DPH6: variants seen among roughly 807,000 people sequenced by gnomAD.
The protein encoded by DPH6 is diphthine--ammonia ligase.
Under a neutral mutation model 38.2 loss-of-function variants are expected in DPH6, and 33 were observed. The observed-to-expected ratio is 0.86, with a 90% CI of 0.65 to 1.15. DPH6 has a LOEUF of 1.15. Ranked by LOEUF, DPH6 falls within the 50% of genes most tolerant of loss-of-function variation. The probability of loss-of-function intolerance (pLI) is 0.00; values close to 1 mark genes in which losing one functional copy is unlikely to be tolerated. For missense variants in DPH6, 325 were observed against 320.0 expected (o/e 1.02, Z -0.12); for synonymous variants, 108 against 103.0 (o/e 1.05, Z -0.30).
At chr15:35,347,458 T>TC (rs1012904765) in intron 3 of DPH6, among the ~76,000 whole-genome samples, 2 of 129,544 alleles carry the variant, frequency 1.5e-5, no homozygotes, top group African/African-American at 6.2e-5. Flanking sequence ...AGCCTCCTCC[T>TC]TTTTTTTTTT....
At chr15:35,223,469 G>A (rs762004587) in intron 3 of DPH6, among the ~76,000 whole-genome samples, 22 of 152,088 alleles carry the variant, frequency 1.4e-4, no homozygotes, top group Admixed American at 7.9e-4. Flanking sequence ...GGTGGATCAC[G>A]AGGTCAGGAG....
At chr15:35,217,172 C>T (rs990400722), downstream of DPH6, among the ~76,000 whole-genome samples, 7 of 152,056 alleles carry the variant, frequency 4.6e-5, no homozygotes, top group Admixed American at 4.6e-4. Flanking sequence ...AGTTACATCA[C>T]CACCATATAA....
At chr15:35,305,337 CTTA>C (rs2052081422) in intron 3 of DPH6, among the ~76,000 whole-genome samples, 1 of 150,274 alleles carries the variant, frequency 6.7e-6, no homozygotes, top group Non-Finnish European at 1.5e-5. Context: ...TGACTAAGGT[CTTA>C]AAGAATGTTG....
At chr15:35,354,459 A>G (rs2052542561) in intron 3 of DPH6, among the ~76,000 whole-genome samples, 1 of 152,336 alleles carries the variant, frequency 6.6e-6, no homozygotes, top group East Asian at 1.9e-4. Context: ...TGTCCCATCA[A>G]TATGAAATTT....
rs555044912 is a variant in DPH6, at chr15:35,360,179, G to T, written n.207+13342C>A. 2.0e-5 allele frequency among the ~76,000 whole-genome samples: 3 copies of T among 152,248 alleles called. No homozygotes were observed. In the East Asian group the frequency reaches 5.8e-4, roughly 29 times the overall value. On this transcript the variant is annotated intron_variant and non_coding_transcript_variant, in intron 3 of 3. Transcript: ENST00000558973. The stretch of plus-strand genomic sequence containing the variant: ...TTTTTGCAGGTAAAAAACTTCTCCT[G>T]CTGGGTCCCCAGATTGATAGGGCTG...
the DPH6 span, among the ~76,000 whole-genome samples, chr15:35,185,361 C>G: frequency 1.3e-5 from 2 of 152,136 alleles, no homozygotes; most frequent in Non-Finnish European, 1.5e-5. Flanking sequence ...TAGCAGGATA[C>G]TCAACAAGCT....
At chr15:35,166,448 C>T in the DPH6 span, among the ~76,000 whole-genome samples, 1 of 151,870 alleles carries the variant, frequency 6.6e-6, no homozygotes, top group Admixed American at 6.6e-5. Flanking sequence ...AATTTGTATG[C>T]CTTTTTCCTA....
chr15:35,203,155 T>C, the DPH6 span, among the ~76,000 whole-genome samples: 5 of 151,780 alleles, frequency 3.3e-5, no homozygotes, highest in Non-Finnish European at 5.9e-5. Context: ...GATATAGATA[T>C]AAATATCTTA....
chr15:35,488,254 T>C (rs1171062395), intron 3 of DPH6, among the ~76,000 whole-genome samples: 1 of 152,206 alleles, frequency 6.6e-6, no homozygotes, highest in Admixed American at 6.5e-5. Context: ...CCTCTGCCCA[T>C]TACCCAGTTC....
the DPH6 span, among the ~76,000 whole-genome samples, chr15:35,160,562 T>C: frequency 6.6e-6 from 1 of 151,942 alleles, no homozygotes; most frequent in East Asian, 1.9e-4. Flanking sequence ...ACAAAATCGC[T>C]ACCTATAGTA....
At chr15:35,520,428 T>C (rs2054907759) in intron 3 of DPH6, 2 of 983,196 alleles carry the variant, frequency 2.0e-6, no homozygotes, top group Non-Finnish European at 2.4e-6. Flanking sequence ...ATCTTACCTT[T>C]ACATATGGAC....
Position 35,339,314 on chromosome 15 carries a change from C to CATTATT in DPH6, n.208-8243_208-8238dup, listed in dbSNP as rs550954918. 3.2e-3 allele frequency among the ~76,000 whole-genome samples: 477 copies of CATTATT among 149,206 alleles called. 1 individual carries two copies. Among genetic ancestry groups the CATTATT allele is most frequent in the East Asian group, 0.012 (63 of 5,114 alleles). ...AACTTCTTCATTTCTGCCTTAATTTCATTATTATTATTATTATTATTATTA... is the reference window on the plus strand; with the variant it reads ...AACTTCTTCATTTCTGCCTTAATTTCATTATTATTATTATTATTATTATTATTATTA... On this transcript the variant is annotated intron_variant and non_coding_transcript_variant, in intron 3 of 3. Transcript: ENST00000558973.
intron 3 of DPH6, among the ~76,000 whole-genome samples, chr15:35,249,785 C>G (rs898348641): frequency 6.6e-6 from 1 of 152,086 alleles, no homozygotes; most frequent in African/African-American, 2.4e-5. Flanking sequence ...GAATGGAAAA[C>G]TGGCAGAACA....
At chr15:35,471,244 G>A (rs2054195235) in intron 3 of DPH6, among the ~76,000 whole-genome samples, 2 of 152,114 alleles carry the variant, frequency 1.3e-5, no homozygotes, top group Admixed American at 1.3e-4. Context: ...GGCTTAAGAG[G>A]TACAGGTAAC....
intron 3 of DPH6, among the ~76,000 whole-genome samples, chr15:35,339,070 T>C (rs1566874101): frequency 6.6e-6 from 1 of 151,952 alleles, no homozygotes; most frequent in Admixed American, 6.6e-5. Context: ...CATTAGGAGA[T>C]ACACCTAATG....
At chr15:35,484,623 T>G (rs1197094006) in intron 3 of DPH6, among the ~76,000 whole-genome samples, 1 of 152,046 alleles carries the variant, frequency 6.6e-6, no homozygotes, top group Non-Finnish European at 1.5e-5. Flanking sequence ...TCAAGGTGAG[T>G]GGGCAAGAGA....
chr15:35,175,207 A>G, the DPH6 span, among the ~76,000 whole-genome samples: 1 of 152,184 alleles, frequency 6.6e-6, no homozygotes, highest in Non-Finnish European at 1.5e-5. Context: ...AAATAATAAC[A>G]AGTTAAAACA....
At chr15:35,334,846 T>C (rs2052356171) in intron 3 of DPH6, among the ~76,000 whole-genome samples, 1 of 152,218 alleles carries the variant, frequency 6.6e-6, no homozygotes, top group Non-Finnish European at 1.5e-5. Context: ...TTTGCTATTG[T>C]GAATTGTGCT....
In DPH6 at chr15:35,514,105, G is replaced by A. The variant is rs575534506; in HGVS notation, c.312+24169C>T. Among the ~76,000 whole-genome samples, 19 of 152,098 alleles carry A rather than the reference G, an allele frequency of 1.2e-4. 1 individual carries two copies. Among genetic ancestry groups the A allele is most frequent in the African/African-American group, 4.3e-4 (18 of 41,518 alleles). ...ATAGCTGTGATTTGCATACATAGTA[G>A]GGACTCAGTAATTCTCAATTAACCA... On this transcript the variant is annotated intron_variant, in intron 3 of 8. Coordinates refer to ENST00000256538, the MANE Select transcript of DPH6 (RefSeq NM_080650.4).
Sources: gnomAD v4.1 joint callset for allele counts (sites outside exome capture counted in the v4.1 genomes callset) on GRCh38, gnomAD v4.1.1 for gene constraint, MANE v1.5 for transcripts, NCBI Gene and HGNC (gene_info 2026-07-23, HGNC 2026-07-21) for gene names.